Variants in ZBTB6 observed in about 807,000 individuals in gnomAD.
ZBTB6 encodes zinc finger and BTB domain containing 6.
Under a neutral mutation model 30.6 loss-of-function variants are expected in ZBTB6, and 11 were observed. The observed-to-expected ratio is 0.36, with a 90% CI of 0.23 to 0.60. The LOEUF (loss-of-function observed/expected upper bound fraction) is 0.60, where lower values mean the gene tolerates loss of function less well. ZBTB6 is among the 20% of genes least tolerant of loss of function. The probability of loss-of-function intolerance (pLI) is 0.75; values close to 1 mark genes in which losing one functional copy is unlikely to be tolerated. For missense variants in ZBTB6, 380 were observed against 489.4 expected (o/e 0.78, Z 2.11); for synonymous variants, 174 against 172.0 (o/e 1.01, Z -0.09).
chr9:122,911,972 T>C lies in ZBTB6; in HGVS notation c.101A>G (p.Asp34Gly). The change falls in exon 2 of 2, where the codon GAT becomes GGT. Residue 34 changes from aspartate to glycine, a missense_variant. Coordinates refer to ENST00000373659, the MANE Select transcript of ZBTB6 (RefSeq NM_006626.6). This position sits in a 1 kb window ranked among gnomAD's most constrained non-coding sequence, Gnocchi z 4.5. ...AGTGTCATTAATGTAAATTGATACA[T>C]CACAAAATAAATTCTGCTGTCTCAA... ...NLLRQQNLFC[D>G]VSIYINDTEF... 6.2e-7 allele frequency: 1 copy of C among 1,614,196 alleles called. No individual in the cohort carries two copies. Among genetic ancestry groups the C allele is most frequent in the Non-Finnish European group, 8.5e-7 (1 of 1,180,036 alleles).
chr9:122,913,176 C>G (rs1832971816), intron 1 of ZBTB6, 75 bp downstream of exon 1: 1 of 891,100 alleles, frequency 1.1e-6, no homozygotes, highest in South Asian at 5.2e-5. Flanking sequence ...CGGGGCCGAG[C>G]CCAGCTGTCC....
chr9:122,908,757 T>G lies in ZBTB6; in HGVS notation c.*2041A>C, dbSNP rs1237819368. 2 of 152,106 alleles carry G rather than the reference T, an allele frequency of 1.3e-5. No homozygotes were observed. Among genetic ancestry groups the G allele is most frequent in the African/African-American group, 4.8e-5 (2 of 41,414 alleles). 9.4% of individuals were successfully genotyped at this position (152,106 alleles called of 1,614,324 possible). On this transcript the variant is annotated 3_prime_UTR_variant, in exon 2 of 2. Transcript: ENST00000373659. ...CTTAGGTCAAATGGAAGCAATGAAC[T>G]ATGAATGAAAAATTAGCAATGAGCT... is the stretch of plus-strand genomic sequence containing the variant.
rs1832955864 is a variant in ZBTB6 at position 122,911,673 on chromosome 9, T to C, written c.400A>G (p.Lys134Glu). 1 of 1,613,668 alleles carries C rather than the reference T, an allele frequency of 6.2e-7. No homozygotes were observed. The highest frequency in any genetic ancestry group is 1.7e-5 in the Admixed American group (1 of 60,018). ...SKYLEIDLSM[K>E]NNNQHTDLCQ... ...AGGTCAGTGTGTTGGTTGTTGTTTT[T>C]CATAGAAAGATCAATTTCCAGATAC... is the stretch of plus-strand genomic sequence containing the variant. The change falls in exon 2 of 2, where the codon AAA becomes GAA. Residue 134 changes from lysine (K) to glutamate (E), a missense_variant. Lys to Glu is a moderately conservative substitution (Grantham distance 56). Transcript: ENST00000373659. This position sits in a 1 kb window ranked among gnomAD's most constrained non-coding sequence, Gnocchi z 4.5.
At chr9:122,913,020 G>C (rs919385196) in intron 1 of ZBTB6, among the ~76,000 whole-genome samples, 1 of 152,202 alleles carries the variant, frequency 6.6e-6, no homozygotes, top group African/African-American at 2.4e-5. Flanking sequence ...CCGAGCTCAG[G>C]GGCCCACACA....
chr9:122,912,882 T>G (rs902457093), intron 1 of ZBTB6, among the ~76,000 whole-genome samples: 1 of 152,204 alleles, frequency 6.6e-6, no homozygotes, highest in African/African-American at 2.4e-5. Context: ...TTTTTTCAGC[T>G]AGTGATTAGG....
At chr9:122,913,201 C>G in intron 1 of ZBTB6, 50 bp downstream of exon 1, 1 of 947,636 alleles carries the variant, frequency 1.1e-6, no homozygotes. Context: ...CCTCCTCCTC[C>G]TCTTCCTCAG....
Position 122,911,798 on chromosome 9 carries a change from G to A in ZBTB6, c.275C>T (p.Ala92Val), listed in dbSNP as rs749206103. ...RKLLLSCYTG[A>V]LEVKRKELLK... The stretch of plus-strand genomic sequence containing the variant: ...AAGCTCTTTCCTTTTAACTTCAAGT[G>A]CTCCAGTATAGCAAGACAGTAACAA... Residue 92 changes from alanine (A) to valine (V), a missense_variant, in exon 2 of 2, where the codon GCA becomes GTA. Coordinates refer to ENST00000373659, the MANE Select transcript of ZBTB6 (RefSeq NM_006626.6). The surrounding 1 kb of genome is among the most constrained non-coding windows in gnomAD (Gnocchi z 4.5). 1 of 1,614,196 alleles carries A rather than the reference G, an allele frequency of 6.2e-7. No homozygotes were observed.
chr9:122,908,776 A>G lies in ZBTB6; in HGVS notation c.*2022T>C, dbSNP rs1832926299. The G allele has an allele frequency of 6.6e-6, 1 of 152,210 alleles. No individual in the cohort carries two copies. The highest frequency in any genetic ancestry group is 2.1e-4 in the South Asian group (1 of 4,832). The allele number at this position is 152,210 out of a possible 1,614,324, so 9.4% of individuals were successfully genotyped here. A position where few individuals can be genotyped will look rare whatever the true frequency, so the allele number is the denominator to read the frequency against. On this transcript the variant is annotated 3_prime_UTR_variant, in exon 2 of 2. Coordinates refer to ENST00000373659, the MANE Select transcript of ZBTB6 (RefSeq NM_006626.6). ...ATGAACTATGAATGAAAAATTAGCA[A>G]TGAGCTATCACACTTTCCAGTGGAA...
chr9:122,910,490 G>A lies in ZBTB6; in HGVS notation c.*308C>T, dbSNP rs553000048. 15 of 222,582 alleles carry A rather than the reference G, an allele frequency of 6.7e-5. No individual in the cohort carries two copies. The highest frequency in any genetic ancestry group is 2.3e-4 in the African/African-American group (10 of 43,996). 13.8% of individuals were successfully genotyped at this position (222,582 alleles called of 1,614,324 possible). A position where few individuals can be genotyped will look rare whatever the true frequency, so the allele number is the denominator to read the frequency against. ...ATCAATTACCTAGAGACTCCAAATCGGAATCTGCAAATACTGCTGGATCCT... is the reference window on the plus strand; with the variant it reads ...ATCAATTACCTAGAGACTCCAAATCAGAATCTGCAAATACTGCTGGATCCT... On this transcript the variant is annotated 3_prime_UTR_variant, in exon 2 of 2. Transcript: ENST00000373659.
rs918896925 is a variant in ZBTB6 at position 122,910,684 on chromosome 9, C to G, written c.*114G>C. The G allele has an allele frequency of 2.1e-5, 24 of 1,132,354 alleles. No homozygotes were observed. The African/African-American group carries it at 3.5e-4, about 16-fold the overall frequency. 70.1% of individuals were successfully genotyped at this position (1,132,354 alleles called of 1,614,324 possible). ...GAAAGAATGATTATGTGTAAGCCGACAAAATATAAGAAACAAAGATTGGGG... is the reference window on the plus strand; with the variant it reads ...GAAAGAATGATTATGTGTAAGCCGAGAAAATATAAGAAACAAAGATTGGGG... On this transcript the variant is annotated 3_prime_UTR_variant, in exon 2 of 2. Coordinates refer to ENST00000373659, the MANE Select transcript of ZBTB6 (RefSeq NM_006626.6).
rs1291619374 is a variant in ZBTB6, at chr9:122,908,338, A to G, written c.*2460T>C. On this transcript the variant is annotated 3_prime_UTR_variant, in exon 2 of 2. Transcript: ENST00000373659. ...TCCATTTTCCTGAAAATTTTTAGAC[A>G]TATCATGCAAACAGACACTCTCCTA... is the stretch of plus-strand genomic sequence containing the variant. 6.6e-6 allele frequency: 1 copy of G among 152,554 alleles called. No homozygotes were observed. Among genetic ancestry groups the G allele is most frequent in the Non-Finnish European group, 1.5e-5 (1 of 68,032 alleles). 9.5% of individuals were successfully genotyped at this position (152,554 alleles called of 1,614,324 possible).
At position 122,910,153 on chromosome 9, in the gene ZBTB6, AT is replaced by A. The variant is rs1480661105; in HGVS notation, c.*644del. On this transcript the variant is annotated 3_prime_UTR_variant, in exon 2 of 2. Coordinates refer to ENST00000373659, the MANE Select transcript of ZBTB6 (RefSeq NM_006626.6). ...AATAAAATCAAGAAACTCGGGCCCA[AT>A]GAACCATTTCTTAAGTATGTATACT... 1 of 152,220 alleles carries A rather than the reference AT, an allele frequency of 6.6e-6. No individual in the cohort carries two copies. The highest frequency in any genetic ancestry group is 1.5e-5 in the Non-Finnish European group (1 of 68,030). The allele number at this position is 152,220 out of a possible 1,614,324, so 9.4% of individuals were successfully genotyped here.
chr9:122,911,731 G>A lies in ZBTB6; in HGVS notation c.342C>T (p.His114=). ...LTAASYLQMV[H]IVEKCTEALS... The stretch of plus-strand genomic sequence containing the variant: ...AAGCTTCTGTGCACTTTTCCACAAT[G>A]TGAACCATCTGAAGGTAACTGGCAG... The change falls in exon 2 of 2, where the codon CAC becomes CAT. Residue 114 remains histidine (H), a synonymous_variant. Transcript: ENST00000373659. The surrounding 1 kb of genome is among the most constrained non-coding windows in gnomAD (Gnocchi z 4.5). 2 of 1,614,146 alleles carry A rather than the reference G, an allele frequency of 1.2e-6. No individual in the cohort carries two copies. Among genetic ancestry groups the A allele is most frequent in the Non-Finnish European group, 1.7e-6 (2 of 1,180,040 alleles).
rs1410558565 is a variant in ZBTB6, at chr9:122,911,567, T to C, written c.506A>G (p.Asp169Gly). ...KDCEIIEISE[D>G]SPVNIDFHVK... ...ATGGAAATCTATGTTTACAGGACTA[T>C]CTTCTGAAATTTCAATTATCTCACA... The change falls in exon 2 of 2, where the codon GAT (aspartate) becomes GGT (glycine). Residue 169 changes from aspartate (D) to glycine (G), a missense_variant. Physicochemically the swap from Asp to Gly is moderately conservative, Grantham distance 94. Transcript: ENST00000373659. This position sits in a 1 kb window ranked among gnomAD's most constrained non-coding sequence, Gnocchi z 4.5. 2 of 1,613,920 alleles carry C rather than the reference T, an allele frequency of 1.2e-6. No homozygotes were observed. Among genetic ancestry groups the C allele is most frequent in the Admixed American group, 3.3e-5 (2 of 60,022 alleles).
Position 122,908,408 on chromosome 9 carries a change from A to G in ZBTB6, c.*2390T>C, listed in dbSNP as rs1282677739. 6.6e-6 allele frequency: 1 copy of G among 152,624 alleles called. No homozygotes were observed. The highest frequency in any genetic ancestry group is 1.9e-4 in the East Asian group (1 of 5,204). The allele number at this position is 152,624 out of a possible 1,614,324, so 9.5% of individuals were successfully genotyped here. On this transcript the variant is annotated 3_prime_UTR_variant, in exon 2 of 2. Transcript: ENST00000373659. ...CCGTGCTACTGAACAGGAATAAATA[A>G]TATAAATAATAACCATCACTTTCAC...
At position 122,908,179 on chromosome 9, in the gene ZBTB6, T is replaced by C. The variant is rs1832920692; in HGVS notation, c.*2619A>G. The C allele has an allele frequency of 6.6e-6, 1 of 152,218 alleles. No individual in the cohort carries two copies. Among genetic ancestry groups the C allele is most frequent in the African/African-American group, 2.4e-5 (1 of 41,456 alleles). 9.4% of individuals were successfully genotyped at this position (152,218 alleles called of 1,614,324 possible). A position where few individuals can be genotyped will look rare whatever the true frequency, so the allele number is the denominator to read the frequency against. On this transcript the variant is annotated 3_prime_UTR_variant, in exon 2 of 2. Transcript: ENST00000373659. ...AACTACCTTTTCAAGATCTTTTATA[T>C]GTAAATGGAGTAAATGAAGAGGCTG...
rs986012350 is a variant in ZBTB6 at position 122,909,808 on chromosome 9, G to C, written c.*990C>G. On this transcript the variant is annotated 3_prime_UTR_variant, in exon 2 of 2. Coordinates refer to ENST00000373659, the MANE Select transcript of ZBTB6 (RefSeq NM_006626.6). Reference sequence around the variant, plus strand: ...ACAGTCCAGAAAAGGCAAAATAATAGTGACGGAGAACTGTTGCCAGGATTA... The same window carrying C: ...ACAGTCCAGAAAAGGCAAAATAATACTGACGGAGAACTGTTGCCAGGATTA... 2 of 152,144 alleles carry C rather than the reference G, an allele frequency of 1.3e-5. No homozygotes were observed. Among genetic ancestry groups the C allele is most frequent in the Non-Finnish European group, 2.9e-5 (2 of 68,038 alleles). 9.4% of individuals were successfully genotyped at this position (152,144 alleles called of 1,614,324 possible). A position where few individuals can be genotyped will look rare whatever the true frequency, so the allele number is the denominator to read the frequency against.
Position 122,910,947 on chromosome 9 carries a change from G to A in ZBTB6, c.1126C>T (p.His376Tyr), listed in dbSNP as rs1588126095. Reference sequence around the variant, plus strand: ...CATTTGTATGGCCGATCCCCACTGTGTATGTTCAAGTGGTCCTGAAGTGTG... The same window carrying A: ...CATTTGTATGGCCGATCCCCACTGTATATGTTCAAGTGGTCCTGAAGTGTG... ...KSTLQDHLNI[H>Y]SGDRPYKCHC... Residue 376 changes from histidine (H) to tyrosine (Y), a missense_variant, in exon 2 of 2, where the codon CAC (histidine) becomes TAC (tyrosine). His to Tyr is a moderately conservative substitution (Grantham distance 83). Coordinates refer to ENST00000373659, the MANE Select transcript of ZBTB6 (RefSeq NM_006626.6). 6.2e-7 allele frequency: 1 copy of A among 1,614,182 alleles called. No homozygotes were observed. The highest frequency in any genetic ancestry group is 8.5e-7 in the Non-Finnish European group (1 of 1,180,014).
At chr9:122,912,404 C>G (rs1832961893) in intron 1 of ZBTB6, among the ~76,000 whole-genome samples, 1 of 151,880 alleles carries the variant, frequency 6.6e-6, no homozygotes, top group Non-Finnish European at 1.5e-5. Context: ...TTTGAATATC[C>G]AATATAAGCA....
Sources: gnomAD v4.1 joint callset for allele counts (sites outside exome capture counted in the v4.1 genomes callset) on GRCh38, gnomAD v4.1.1 for gene constraint, Gnocchi (gnomAD v3.1) non-coding constraint, MANE v1.5 for transcripts, NCBI Gene and HGNC (gene_info 2026-07-23, HGNC 2026-07-21) for gene names.